The following JAK2 variants were observed in gnomAD, a reference collection of about 807,000 sequenced individuals.
JAK2 encodes the protein tyrosine-protein kinase JAK2.
In JAK2, 86 loss-of-function variants were observed where a neutral mutation model predicts 139.3. That is an observed-to-expected ratio of 0.62 (90% CI 0.52 to 0.74). The LOEUF is 0.74. JAK2 is among the 30% of genes least tolerant of loss of function. JAK2 has a pLI of 0.00. For synonymous variants in JAK2, 490 were observed against 437.7 expected, an observed-to-expected ratio of 1.12 and a Z score of -1.49; for missense variants, 1,421 against 1,360.3, an observed-to-expected ratio of 1.04 and a Z score of -0.70.
chr9:5,048,063 T>C (rs1817142931), intron 5 of JAK2, among the ~76,000 whole-genome samples: 1 of 152,232 alleles, frequency 6.6e-6, no homozygotes. Context: ...CACTCATTTT[T>C]CATATATTTA....
intron 19 of JAK2, chr9:5,084,997 A>C (rs1819967557): frequency 1.2e-6 from 1 of 848,168 alleles, no homozygotes; most frequent in Non-Finnish European, 1.9e-6. Flanking sequence ...AAGAGTTGTC[A>C]TTTATGTCTT....
chr9:5,046,576 C>G (rs1817023156), intron 5 of JAK2, among the ~76,000 whole-genome samples: 1 of 152,108 alleles, frequency 6.6e-6, no homozygotes, highest in Non-Finnish European at 1.5e-5. Flanking sequence ...TAATTTTTGT[C>G]TATCGTGAAG....
chr9:4,989,192 A>G, intron 2 of JAK2, among the ~76,000 whole-genome samples: 1 of 152,212 alleles, frequency 6.6e-6, no homozygotes, highest in Non-Finnish European at 1.5e-5. Flanking sequence ...TCTTTTGTCT[A>G]AGGATCTCTA....
At chr9:5,013,316 T>C (rs1020060254) in intron 2 of JAK2, among the ~76,000 whole-genome samples, 4 of 152,230 alleles carry the variant, frequency 2.6e-5, no homozygotes, top group African/African-American at 7.2e-5. Flanking sequence ...ATAGGAATAA[T>C]TGTAGGAAAA....
At chr9:5,086,151 CG>C in intron 19 of JAK2, 2 of 363,418 alleles carry the variant, frequency 5.5e-6, no homozygotes, top group South Asian at 4.3e-5. Context: ...CCGCAAGGCT[CG>C]GGGAGCGGTC....
chr9:4,985,176 G>A (rs994898161), upstream of JAK2: 1 of 152,542 alleles, frequency 6.6e-6, no homozygotes, highest in African/African-American at 2.4e-5. Context: ...AGAAGACGGT[G>A]TGGCCCCGGA....
At chr9:5,032,073 A>C (rs746093255) in intron 4 of JAK2, among the ~76,000 whole-genome samples, 1 of 152,222 alleles carries the variant, frequency 6.6e-6, no homozygotes, top group African/African-American at 2.4e-5. Flanking sequence ...ATACTGCGCT[A>C]TTCTAACGGT....
intron 12 of JAK2, among the ~76,000 whole-genome samples, chr9:5,071,488 A>G (rs990380235): frequency 1.3e-5 from 2 of 152,234 alleles, no homozygotes; most frequent in African/African-American, 4.8e-5. Context: ...TGTCAGGAAA[A>G]AGGCATAGAA....
At chr9:5,047,189 TATC>T (rs1192821064) in intron 5 of JAK2, among the ~76,000 whole-genome samples, 9 of 152,234 alleles carry the variant, frequency 5.9e-5, no homozygotes, top group Admixed American at 5.9e-4. Context: ...ATTGTACTGT[TATC>T]ATTTTATATT....
At chr9:5,040,560 CAT>C (rs1473485836) in intron 4 of JAK2, among the ~76,000 whole-genome samples, 2 of 152,236 alleles carry the variant, frequency 1.3e-5, no homozygotes, top group South Asian at 4.1e-4. Flanking sequence ...GTTTGGGAAT[CAT>C]ATATCTGATA....
At chr9:5,023,251 T>C (rs1200631929) in intron 3 of JAK2, among the ~76,000 whole-genome samples, 1 of 152,202 alleles carries the variant, frequency 6.6e-6, no homozygotes, top group East Asian at 1.9e-4. Context: ...AATGAGAACT[T>C]GTTATATTTG....
At chr9:5,114,977 C>T (rs1277648194) in intron 22 of JAK2, among the ~76,000 whole-genome samples, 1 of 152,102 alleles carries the variant, frequency 6.6e-6, no homozygotes, top group South Asian at 2.1e-4. Context: ...TAGAGGAAAA[C>T]CTAGGCAATA....
chr9:5,093,818 G>C (rs576759327), intron 22 of JAK2, among the ~76,000 whole-genome samples: 3 of 152,098 alleles, frequency 2.0e-5, no homozygotes, highest in East Asian at 3.8e-4. Flanking sequence ...TGGTGTAGCC[G>C]CTATTAAGGG....
chr9:5,017,595 C>T (rs934055255), intron 2 of JAK2, among the ~76,000 whole-genome samples: 6 of 152,020 alleles, frequency 3.9e-5, no homozygotes, highest in Admixed American at 2.6e-4. Context: ...CATCTTTCTT[C>T]CTTTTTGATG....
At chr9:4,994,667 C>G (rs1024670997) in intron 2 of JAK2, among the ~76,000 whole-genome samples, 3 of 152,182 alleles carry the variant, frequency 2.0e-5, no homozygotes, top group African/African-American at 7.2e-5. Context: ...TGGCTCATGG[C>G]TGTGTTCTCA....
At chr9:5,059,258 A>G (rs1817989514) in intron 8 of JAK2, among the ~76,000 whole-genome samples, 1 of 152,202 alleles carries the variant, frequency 6.6e-6, no homozygotes, top group Non-Finnish European at 1.5e-5. Flanking sequence ...TAAGATACCT[A>G]TCATCTACCA....
intron 3 of JAK2, among the ~76,000 whole-genome samples, chr9:5,027,744 C>A (rs1822872041): frequency 6.6e-6 from 1 of 152,230 alleles, no homozygotes; most frequent in Non-Finnish European, 1.5e-5. Context: ...ATATTCACAG[C>A]ATCTTCACCA....
intron 22 of JAK2, chr9:5,095,041 T>A (rs1820880184): frequency 6.8e-6 from 1 of 146,920 alleles, no homozygotes; most frequent in East Asian, 2.0e-4. Context: ...GACAAAAGAA[T>A]TACTTTGATA....
chr9:5,033,762 A>G (rs946122216), intron 4 of JAK2, among the ~76,000 whole-genome samples: 2 of 152,192 alleles, frequency 1.3e-5, no homozygotes, highest in African/African-American at 2.4e-5. Flanking sequence ...GAAAGGAACA[A>G]CTGGTACCAG....
Sources: allele counts gnomAD v4.1 joint callset (sites outside exome capture counted in the v4.1 genomes callset), GRCh38; gene constraint gnomAD v4.1.1; transcripts MANE v1.5; gene names NCBI Gene and HGNC (gene_info 2026-07-23, HGNC 2026-07-21).